Variants in KDM4C observed in about 807,000 individuals in gnomAD.
KDM4C encodes lysine demethylase 4C.
In KDM4C, 81 loss-of-function variants were observed where a neutral mutation model predicts 129.3. That is an observed-to-expected ratio of 0.63 (90% CI 0.52 to 0.75). KDM4C has a LOEUF of 0.75. Among genes scored for constraint, KDM4C ranks in the 30% least tolerant of loss-of-function variants. The probability of loss-of-function intolerance (pLI) is 0.00; values close to 1 mark genes in which losing one functional copy is unlikely to be tolerated. For missense variants in KDM4C, 1,457 were observed against 1,304.0 expected, an observed-to-expected ratio of 1.12 and a Z score of -1.81; for synonymous variants, 573 against 456.1, an observed-to-expected ratio of 1.26 and a Z score of -3.26.
chr9:6,943,112 C>T (rs1826259306), intron 8 of KDM4C, among the ~76,000 whole-genome samples: 1 of 152,120 alleles, frequency 6.6e-6, no homozygotes, highest in Non-Finnish European at 1.5e-5. Context: ...AAGCAATCCT[C>T]CTGCCTCAGC....
chr9:7,059,461 C>G (rs1392256990), intron 17 of KDM4C, among the ~76,000 whole-genome samples: 3 of 152,280 alleles, frequency 2.0e-5, no homozygotes, highest in East Asian at 3.9e-4. Flanking sequence ...CCTGGGCAAA[C>G]TATCTGTTAC....
At chr9:7,011,909 C>G in intron 13 of KDM4C, 30 bp downstream of exon 13, 1 of 1,570,110 alleles carries the variant, frequency 6.4e-7, no homozygotes, top group Non-Finnish European at 8.7e-7. Flanking sequence ...TAGTTCCCTT[C>G]ACTGCTCTGC....
Position 6,980,895 on chromosome 9 carries a change from T to A in KDM4C, c.922-30T>A, listed in dbSNP as rs369774820. On this transcript the variant is annotated intron_variant, in intron 8 of 21. Transcript: ENST00000381309. Reference sequence around the variant, plus strand: ...TGTTACTGTATAGTTAGCGAAACGTTTAACACTCTCCAACCCGGTTGTGTT... The same window carrying A: ...TGTTACTGTATAGTTAGCGAAACGTATAACACTCTCCAACCCGGTTGTGTT... 11 of 1,607,558 alleles carry A rather than the reference T, an allele frequency of 6.8e-6. No individual in the cohort carries two copies. In the African/African-American group the frequency reaches 1.3e-4, roughly 20 times the overall value.
At chr9:6,896,872 C>T (rs908513630) in intron 8 of KDM4C, among the ~76,000 whole-genome samples, 1 of 152,202 alleles carries the variant, frequency 6.6e-6, no homozygotes, top group African/African-American at 2.4e-5. Flanking sequence ...TACTTGACTT[C>T]TTCTGGTGTC....
At chr9:6,976,920 G>T (rs1438073405) in intron 8 of KDM4C, among the ~76,000 whole-genome samples, 2 of 152,060 alleles carry the variant, frequency 1.3e-5, no homozygotes, top group Non-Finnish European at 2.9e-5. Context: ...GACAGCATAG[G>T]TCTAGAGATA....
intron 2 of KDM4C, among the ~76,000 whole-genome samples, chr9:6,798,546 A>T (rs973576498): frequency 6.6e-6 from 1 of 152,120 alleles, no homozygotes; most frequent in Non-Finnish European, 1.5e-5. Flanking sequence ...CAGAGAGCAC[A>T]GGGTTGGGGG....
chr9:7,170,043 G>A (rs759292482), intron 21 of KDM4C, 153 bp downstream of exon 21: 9 of 1,522,048 alleles, frequency 5.9e-6, no homozygotes, highest in Middle Eastern at 1.9e-4. Context: ...CCTATTGAAT[G>A]CAAACTTCAA....
intron 2 of KDM4C, among the ~76,000 whole-genome samples, chr9:6,795,740 T>C (rs989732165): frequency 3.3e-5 from 5 of 151,938 alleles, no homozygotes; most frequent in African/African-American, 1.2e-4. Context: ...GGCATGATAT[T>C]GGCTCACTGC....
intron 12 of KDM4C, among the ~76,000 whole-genome samples, chr9:7,011,412 G>A (rs1822665692): frequency 6.6e-6 from 1 of 152,176 alleles, no homozygotes; most frequent in Non-Finnish European, 1.5e-5. Context: ...AAGAAGTAAT[G>A]TGGGAAGGAG....
At chr9:7,052,909 G>GAGAGAGAGAGAGAGA (rs767668455) in intron 17 of KDM4C, among the ~76,000 whole-genome samples, 1 of 100,150 alleles carries the variant, frequency 1.0e-5, no homozygotes, top group African/African-American at 4.9e-5. Flanking sequence ...GAGCGAGCGA[G>GAGAGAGAGAGAGAGA]TGCCCAAGGG....
rs1217777126 is a variant in KDM4C, at chr9:6,984,185, A to G, written c.1135A>G (p.Thr379Ala). Residue 379 changes from threonine to alanine, a missense_variant, in exon 10 of 22, where the codon ACC (threonine) becomes GCC (alanine). Coordinates refer to ENST00000381309, the MANE Select transcript of KDM4C (RefSeq NM_015061.6). ...ASRSFQCARS[T>A]SKRPKADEEE... ...TGACAGCTTCCAGTGTGCTAGGTCTACCTCTAAAAGGCCTAAGGCTGATGA... is the reference window on the plus strand; with the variant it reads ...TGACAGCTTCCAGTGTGCTAGGTCTGCCTCTAAAAGGCCTAAGGCTGATGA... 21 of 1,613,326 alleles carry G rather than the reference A, an allele frequency of 1.3e-5. No individual in the cohort carries two copies. Among genetic ancestry groups the G allele is most frequent in the East Asian group, 2.2e-5 (1 of 44,884 alleles).
At chr9:6,861,774 C>CTTTT (rs199903320) in intron 5 of KDM4C, among the ~76,000 whole-genome samples, 1 of 148,846 alleles carries the variant, frequency 6.7e-6, no homozygotes, top group Admixed American at 6.7e-5. Flanking sequence ...ATATTTCTTT[C>CTTTT]TTTCTTTTTT....
chr9:7,098,503 T>C (rs543071681), intron 17 of KDM4C, among the ~76,000 whole-genome samples: 17 of 152,336 alleles, frequency 1.1e-4, no homozygotes, highest in South Asian at 2.1e-4. Flanking sequence ...AGAGGACTTA[T>C]CATGTTATGA....
intron 8 of KDM4C, among the ~76,000 whole-genome samples, chr9:6,906,714 T>C (rs1306993166): frequency 6.6e-6 from 1 of 152,238 alleles, no homozygotes; most frequent in Non-Finnish European, 1.5e-5. Flanking sequence ...AGTGCTGGAA[T>C]TATAGGTGTC....
intron 12 of KDM4C, among the ~76,000 whole-genome samples, chr9:6,998,750 C>G (rs1271905956): frequency 6.6e-6 from 1 of 152,170 alleles, no homozygotes; most frequent in Admixed American, 6.5e-5. Flanking sequence ...GCGCTGAGAT[C>G]ATGCTATTGC....
At chr9:6,819,742 G>A (rs1026495735) in intron 4 of KDM4C, among the ~76,000 whole-genome samples, 6 of 152,198 alleles carry the variant, frequency 3.9e-5, no homozygotes, top group African/African-American at 1.2e-4. Context: ...TAGAGTGAGT[G>A]TAATAATTGC....
intron 8 of KDM4C, among the ~76,000 whole-genome samples, chr9:6,947,555 T>G (rs1290407640): frequency 6.6e-6 from 1 of 152,154 alleles, no homozygotes; most frequent in Admixed American, 6.5e-5. Flanking sequence ...TCATTTAGAT[T>G]TTTAAAAATT....
At chr9:6,975,153 C>T (rs1442436384) in intron 8 of KDM4C, among the ~76,000 whole-genome samples, 1 of 152,168 alleles carries the variant, frequency 6.6e-6, no homozygotes, top group Non-Finnish European at 1.5e-5. Context: ...CATATCCTGG[C>T]ACAGTGAAGC....
chr9:6,812,218 C>T (rs758643112), intron 3 of KDM4C, among the ~76,000 whole-genome samples: 1 of 146,494 alleles, frequency 6.8e-6, no homozygotes, highest in Non-Finnish European at 1.5e-5. Context: ...GCCTGGGTGA[C>T]AGAACAAGAC....
Sources: allele counts gnomAD v4.1 joint callset (sites outside exome capture counted in the v4.1 genomes callset), GRCh38; gene constraint gnomAD v4.1.1; transcripts MANE v1.5; gene names NCBI Gene and HGNC (gene_info 2026-07-23, HGNC 2026-07-21).